The following ANKS1B variants were observed in gnomAD, a reference collection of about 807,000 sequenced individuals.
The protein encoded by ANKS1B is ankyrin repeat and sterile alpha motif domain-containing protein 1B.
A neutral mutation model predicts 148.3 loss-of-function variants in ANKS1B; 36 were observed. The ratio of observed to expected loss-of-function variants is 0.24; its 90% CI spans 0.19 to 0.32. The LOEUF is 0.32. Ranked by LOEUF, ANKS1B falls within the 10% of genes least tolerant of loss-of-function variation. The probability of loss-of-function intolerance (pLI) is 1.00; values close to 1 mark genes in which losing one functional copy is unlikely to be tolerated. For missense variants in ANKS1B, 1,157 were observed against 1,542.6 expected (o/e 0.75, Z 4.19); for synonymous variants, 542 against 560.8 (o/e 0.97, Z 0.47).
At chr12:98,938,782 T>C (rs1026231521) in intron 17 of ANKS1B, among the ~76,000 whole-genome samples, 9 of 152,336 alleles carry the variant, frequency 5.9e-5, no homozygotes, top group Admixed American at 4.6e-4. Context: ...TTGGAAGGAA[T>C]GGCTGAAGAC....
intron 15 of ANKS1B, among the ~76,000 whole-genome samples, chr12:99,140,891 A>G (rs57220745): frequency 0.021 from 3,169 of 152,090 alleles, 107 homozygotes; most frequent in African/African-American, 0.072. Flanking sequence ...CTCTATCCTT[A>G]TATCTTCTAC....
At chr12:98,863,626 G>C (rs749533853) in intron 17 of ANKS1B, among the ~76,000 whole-genome samples, 9 of 152,182 alleles carry the variant, frequency 5.9e-5, no homozygotes, top group Non-Finnish European at 1.2e-4. Context: ...TATATAAAGA[G>C]AAAATCTGTT....
In ANKS1B at chr12:99,382,553, C is replaced by T. The variant is rs555246287; in HGVS notation, c.1756+17078G>A. ...TCTCTACCAAAAAGACAAAAATTAG[C>T]CGTTCATAGTGGCACATGCCTGTAG... On this transcript the variant is annotated intron_variant, in intron 12 of 26. Coordinates refer to ENST00000683438, the MANE Select transcript of ANKS1B (RefSeq NM_001352186.2). 3.3e-5 allele frequency among the ~76,000 whole-genome samples: 5 copies of T among 152,096 alleles called. No homozygotes were observed. In the East Asian group the frequency reaches 5.8e-4, roughly 18 times the overall value.
intron 15 of ANKS1B, among the ~76,000 whole-genome samples, chr12:99,143,237 G>A (rs2071628343): frequency 6.6e-6 from 1 of 152,040 alleles, no homozygotes; most frequent in African/African-American, 2.4e-5. Flanking sequence ...CTAATTCTAT[G>A]GACTCAAGGG....
intron 10 of ANKS1B, among the ~76,000 whole-genome samples, chr12:99,478,773 A>T (rs913633220): frequency 2.0e-5 from 3 of 152,130 alleles, no homozygotes; most frequent in Non-Finnish European, 4.4e-5. Flanking sequence ...AAGCTGAAAT[A>T]AACTTTCTAA....
At chr12:99,043,291 C>A (rs985350256) in intron 17 of ANKS1B, among the ~76,000 whole-genome samples, 1 of 152,094 alleles carries the variant, frequency 6.6e-6, no homozygotes, top group Non-Finnish European at 1.5e-5. Context: ...AGGGTTTTCC[C>A]CATTTTGTTA....
chr12:99,874,039 A>ATATATATATATATATATATATATATATC, intron 1 of ANKS1B, among the ~76,000 whole-genome samples: 1 of 151,212 alleles, frequency 6.6e-6, no homozygotes, highest in African/African-American at 2.5e-5. Flanking sequence ...ATATATATAT[A>ATATATATATATATATATATATATATATC]TCCTGTTGGT....
At chr12:98,809,829 G>C (rs2099080469) in intron 19 of ANKS1B, among the ~76,000 whole-genome samples, 1 of 152,142 alleles carries the variant, frequency 6.6e-6, no homozygotes, top group Non-Finnish European at 1.5e-5. Context: ...GGTGAGACAA[G>C]CCTCATTATA....
At chr12:98,784,193 T>C (rs1033663447) in intron 22 of ANKS1B, among the ~76,000 whole-genome samples, 2 of 152,076 alleles carry the variant, frequency 1.3e-5, no homozygotes, top group East Asian at 3.9e-4. Flanking sequence ...GAAATGAGAA[T>C]CAGATCTGGA....
At chr12:99,061,434 T>C (rs2042425359) in intron 16 of ANKS1B, among the ~76,000 whole-genome samples, 1 of 152,160 alleles carries the variant, frequency 6.6e-6, no homozygotes, top group South Asian at 2.1e-4. Context: ...AATTCCGTTA[T>C]TTGGAGGGAG....
chr12:98,941,672 C>A (rs2099836950), intron 17 of ANKS1B, among the ~76,000 whole-genome samples: 1 of 152,202 alleles, frequency 6.6e-6, no homozygotes, highest in Non-Finnish European at 1.5e-5. Context: ...GGCAAATCTG[C>A]CCCTCGTGGT....
chr12:98,794,729 C>T lies in ANKS1B; in HGVS notation c.3342+4205G>A, dbSNP rs1317378145. 7 of 972,016 alleles carry T rather than the reference C, an allele frequency of 7.2e-6. No individual in the cohort carries two copies. In the East Asian group the frequency reaches 1.7e-4, roughly 23 times the overall value. The allele number at this position is 972,016 out of a possible 1,614,324, so 60.2% of individuals were successfully genotyped here. ...CCGTAGAAATGAACCTATCAAATACCAGTGAGAGCTATGGAATAAAACTAC... is the reference window on the plus strand; with the variant it reads ...CCGTAGAAATGAACCTATCAAATACTAGTGAGAGCTATGGAATAAAACTAC... On this transcript the variant is annotated intron_variant, in intron 22 of 26. Transcript: ENST00000683438.
intron 12 of ANKS1B, among the ~76,000 whole-genome samples, chr12:99,392,225 T>C (rs947390792): frequency 7.0e-4 from 106 of 152,222 alleles, no homozygotes; most frequent in African/African-American, 2.5e-3. Context: ...AATAATGATG[T>C]CTCAGCTTCA....
intron 17 of ANKS1B, among the ~76,000 whole-genome samples, chr12:98,944,506 G>A (rs1271793082): frequency 1.3e-5 from 2 of 152,064 alleles, no homozygotes; most frequent in African/African-American, 4.8e-5. Context: ...TTCCTTTAGA[G>A]CAATGCAAAT....
At chr12:99,055,728 G>GC (rs61311044) in intron 16 of ANKS1B, among the ~76,000 whole-genome samples, 6 of 150,550 alleles carry the variant, frequency 4.0e-5, no homozygotes, top group Non-Finnish European at 5.9e-5. Context: ...ACTTGGGGGG[G>GC]GGGGAGGTGG....
chr12:99,040,850 C>A (rs1282713909), intron 17 of ANKS1B, among the ~76,000 whole-genome samples: 1 of 152,172 alleles, frequency 6.6e-6, no homozygotes, highest in Non-Finnish European at 1.5e-5. Context: ...ATAATCTATG[C>A]CCTGATGGGG....
chr12:98,993,437 G>C (rs1440117712), intron 17 of ANKS1B, among the ~76,000 whole-genome samples: 1 of 152,208 alleles, frequency 6.6e-6, no homozygotes, highest in African/African-American at 2.4e-5. Context: ...CCAAAGTGCT[G>C]GGATTACAGG....
chr12:99,929,909 T>A (rs1008489970), intron 1 of ANKS1B, among the ~76,000 whole-genome samples: 17 of 151,812 alleles, frequency 1.1e-4, no homozygotes, highest in Non-Finnish European at 4.4e-5. Context: ...AGCCTTGTAG[T>A]ATAGTTTGAA....
At chr12:98,915,430 C>T (rs35556192) in intron 17 of ANKS1B, among the ~76,000 whole-genome samples, 12,664 of 152,170 alleles carry the variant, frequency 0.083, 686 homozygotes, top group Admixed American at 0.17. Flanking sequence ...CAGCTTACTG[C>T]AACCTCCGCC....
Sources: allele counts gnomAD v4.1 joint callset (sites outside exome capture counted in the v4.1 genomes callset), GRCh38; gene constraint gnomAD v4.1.1; transcripts MANE v1.5; gene names NCBI Gene and HGNC (gene_info 2026-07-23, HGNC 2026-07-21).